The following SOX6 variants were observed in gnomAD, a reference collection of about 807,000 sequenced individuals.
SOX6 encodes the protein transcription factor SOX-6.
A neutral mutation model predicts 97.8 loss-of-function variants in SOX6; 11 were observed. The observed-to-expected ratio is 0.11, with a 90% CI of 0.07 to 0.19. SOX6 has a LOEUF of 0.19. Ranked by LOEUF, SOX6 falls within the 10% of genes least tolerant of loss-of-function variation. The pLI is 1.00. For missense variants in SOX6, 810 were observed against 1,039.5 expected, an observed-to-expected ratio of 0.78 and a Z score of 3.04; for synonymous variants, 360 against 371.4, an observed-to-expected ratio of 0.97 and a Z score of 0.35.
chr11:16,200,639 C>T (rs1851909210), intron 4 of SOX6, among the ~76,000 whole-genome samples: 1 of 152,148 alleles, frequency 6.6e-6, no homozygotes, highest in Admixed American at 6.5e-5. Context: ...TTATCATGCA[C>T]TGATGAAAAA....
intron 4 of SOX6, among the ~76,000 whole-genome samples, chr11:16,544,577 T>C (rs1490714084): frequency 6.6e-6 from 1 of 152,164 alleles, no homozygotes; most frequent in Non-Finnish European, 1.5e-5. Flanking sequence ...GGTTTTGTTT[T>C]TGGAGTGATG....
chr11:16,389,042 CTTCTT>C (rs1390987409), intron 1 of SOX6, among the ~76,000 whole-genome samples: 1 of 151,842 alleles, frequency 6.6e-6, no homozygotes, highest in African/African-American at 2.4e-5. Context: ...CTATATTCAT[CTTCTT>C]TTCTTTTCCA....
chr11:16,287,292 T>TCACA (rs1181480588), intron 3 of SOX6, among the ~76,000 whole-genome samples: 4 of 91,050 alleles, frequency 4.4e-5, no homozygotes, highest in African/African-American at 1.5e-4. Flanking sequence ...TCTCTCTCTC[T>TCACA]CTCTCTCACA....
chr11:16,735,630 A>G (rs550724871), intron 2 of SOX6, among the ~76,000 whole-genome samples: 1 of 152,346 alleles, frequency 6.6e-6, no homozygotes, highest in South Asian at 2.1e-4. Flanking sequence ...GGACTGAATC[A>G]TTCACTAGCT....
chr11:16,214,832 C>A (rs776472673), intron 4 of SOX6, among the ~76,000 whole-genome samples: 5 of 151,332 alleles, frequency 3.3e-5, no homozygotes, highest in Non-Finnish European at 7.4e-5. Flanking sequence ...TCACTGCAAC[C>A]TCCGCCCCCT....
chr11:16,579,199 T>C (rs532070885), intron 4 of SOX6, among the ~76,000 whole-genome samples: 101 of 152,170 alleles, frequency 6.6e-4, no homozygotes, highest in African/African-American at 2.4e-3. Context: ...AATAAAAATG[T>C]ATACATAGCC....
At chr11:16,286,621 T>A (rs923695881) in intron 3 of SOX6, among the ~76,000 whole-genome samples, 1 of 152,114 alleles carries the variant, frequency 6.6e-6, no homozygotes, top group African/African-American at 2.4e-5. Context: ...TGGTGTCTTA[T>A]AAAAAGGAAA....
At chr11:16,546,516 G>A (rs1014635913) in intron 4 of SOX6, among the ~76,000 whole-genome samples, 38 of 152,076 alleles carry the variant, frequency 2.5e-4, no homozygotes, top group African/African-American at 8.4e-4. Flanking sequence ...CTGGGGAAAG[G>A]ACACCCTCTT....
At chr11:16,051,207 A>G (rs566682865) in intron 10 of SOX6, among the ~76,000 whole-genome samples, 1 of 152,180 alleles carries the variant, frequency 6.6e-6, no homozygotes, top group Non-Finnish European at 1.5e-5. Context: ...TACCAAGCAC[A>G]TACTAAGCAT....
intron 3 of SOX6, among the ~76,000 whole-genome samples, chr11:16,624,168 G>T (rs939112095): frequency 1.1e-5 from 1 of 87,628 alleles, no homozygotes; most frequent in Non-Finnish European, 2.5e-5. Flanking sequence ...TTCAGTGAAA[G>T]ATTTTTATTT....
chr11:16,587,510 A>T (rs1848107842), intron 4 of SOX6, among the ~76,000 whole-genome samples: 1 of 152,200 alleles, frequency 6.6e-6, no homozygotes, highest in Non-Finnish European at 1.5e-5. Flanking sequence ...AGCATCCAGA[A>T]ATATGTCTAT....
At chr11:16,617,191 G>A (rs1179659135) in intron 3 of SOX6, among the ~76,000 whole-genome samples, 2 of 151,798 alleles carry the variant, frequency 1.3e-5, no homozygotes, top group East Asian at 1.9e-4. Context: ...TTTTCTATGA[G>A]TTTGAACATA....
intron 4 of SOX6, among the ~76,000 whole-genome samples, chr11:16,606,798 A>G (rs972173340): frequency 1.3e-5 from 2 of 151,996 alleles, no homozygotes; most frequent in Admixed American, 6.6e-5. Context: ...CGGCTACAAC[A>G]TGTGTTTTCT....
intron 4 of SOX6, among the ~76,000 whole-genome samples, chr11:16,217,018 C>A (rs1590037735): frequency 6.6e-6 from 1 of 152,276 alleles, no homozygotes; most frequent in East Asian, 1.9e-4. Context: ...AAAAGAGCTC[C>A]TTTCAGTAAC....
At chr11:16,511,935 A>T (rs1414135066) in intron 4 of SOX6, among the ~76,000 whole-genome samples, 2 of 152,218 alleles carry the variant, frequency 1.3e-5, no homozygotes, top group Non-Finnish European at 2.9e-5. Flanking sequence ...AGTGTCTTAC[A>T]GTCATCAGAA....
intron 4 of SOX6, among the ~76,000 whole-genome samples, chr11:16,489,552 A>G (rs1304035782): frequency 6.6e-6 from 1 of 152,104 alleles, no homozygotes; most frequent in Non-Finnish European, 1.5e-5. Context: ...TAAATCAGCA[A>G]TATTCCTCTG....
chr11:16,327,584 A>G (rs527423339), intron 2 of SOX6, among the ~76,000 whole-genome samples: 4 of 152,224 alleles, frequency 2.6e-5, no homozygotes, highest in South Asian at 2.1e-4. Flanking sequence ...TATTTATCCT[A>G]TCTGCATATG....
chr11:16,148,180 T>C (rs967100558), intron 6 of SOX6, among the ~76,000 whole-genome samples: 2 of 152,196 alleles, frequency 1.3e-5, no homozygotes, highest in African/African-American at 4.8e-5. Context: ...TCTAAGGCAA[T>C]TTAAAGTATA....
At chr11:16,428,255 A>T (rs542927262) in intron 1 of SOX6, among the ~76,000 whole-genome samples, 1 of 151,736 alleles carries the variant, frequency 6.6e-6, no homozygotes, top group Admixed American at 6.6e-5. Flanking sequence ...GGTTGCAAAA[A>T]TTTTCTCCCA....
Sources: allele counts gnomAD v4.1 joint callset (sites outside exome capture counted in the v4.1 genomes callset), GRCh38; gene constraint gnomAD v4.1.1; transcripts MANE v1.5; gene names NCBI Gene and HGNC (gene_info 2026-07-23, HGNC 2026-07-21).